Variants in DRD2 observed in about 807,000 individuals in gnomAD.
DRD2 encodes D(2) dopamine receptor.
DRD2 carries 8 observed loss-of-function variants against 38.0 expected under a neutral mutation model. The observed-to-expected ratio is 0.21, with a 90% CI of 0.12 to 0.38. DRD2 has a LOEUF of 0.38. DRD2 is among the 10% of genes least tolerant of loss of function. The pLI is 1.00. For synonymous variants in DRD2, 230 were observed against 238.6 expected, an observed-to-expected ratio of 0.96 and a Z score of 0.33; for missense variants, 403 against 607.7, an observed-to-expected ratio of 0.66 and a Z score of 3.54.
chr11:113,470,455 G>T (rs1030463817), intron 1 of DRD2, among the ~76,000 whole-genome samples: 2 of 152,174 alleles, frequency 1.3e-5, no homozygotes, highest in African/African-American at 4.8e-5. Context: ...AGCCAGGTCT[G>T]CCTGACTTCC....
intron 1 of DRD2, among the ~76,000 whole-genome samples, chr11:113,471,630 C>A (rs1022620201): frequency 6.6e-6 from 1 of 152,132 alleles, no homozygotes; most frequent in Non-Finnish European, 1.5e-5. Flanking sequence ...AGCAGAGTAC[C>A]TGGTAGGATG....
At chr11:113,414,262 G>A (rs1217980525) in intron 6 of DRD2, 113 bp downstream of exon 6, 1 of 977,652 alleles carries the variant, frequency 1.0e-6, no homozygotes, top group Non-Finnish European at 1.7e-6. Context: ...GCAAGGTGGG[G>A]GTTTCTGGGG....
chr11:113,429,517 T>C (rs919597317), intron 1 of DRD2, among the ~76,000 whole-genome samples: 1 of 152,120 alleles, frequency 6.6e-6, no homozygotes, highest in African/African-American at 2.4e-5. Flanking sequence ...AGTGCTGGGA[T>C]TACAGGCGTG....
chr11:113,428,643 G>A (rs1950960175), intron 1 of DRD2, among the ~76,000 whole-genome samples: 1 of 152,138 alleles, frequency 6.6e-6, no homozygotes, highest in Non-Finnish European at 1.5e-5. Context: ...TTTTTTAATA[G>A]AGACAGAATC....
At chr11:113,435,392 T>C (rs1249593689) in intron 1 of DRD2, among the ~76,000 whole-genome samples, 1 of 152,058 alleles carries the variant, frequency 6.6e-6, no homozygotes, top group Admixed American at 6.5e-5. Flanking sequence ...TGCTGTTCTC[T>C]GCGTGTGCTG....
chr11:113,428,179 T>C (rs1462461166), intron 1 of DRD2, among the ~76,000 whole-genome samples: 2 of 152,114 alleles, frequency 1.3e-5, no homozygotes, highest in Non-Finnish European at 2.9e-5. Context: ...AGAAGTAGAC[T>C]CTGAAGAGGA....
chr11:113,412,933 A>G (rs1354944528), intron 6 of DRD2, 50 bp from the exon 7 acceptor site: 3 of 1,563,372 alleles, frequency 1.9e-6, no homozygotes, highest in South Asian at 2.3e-5. Flanking sequence ...GTTCCCAGGC[A>G]TCAGCCACCC....
intron 2 of DRD2, among the ~76,000 whole-genome samples, chr11:113,419,132 T>A (rs1169925867): frequency 6.6e-6 from 1 of 152,216 alleles, no homozygotes; most frequent in Admixed American, 6.5e-5. Context: ...CTAGTCCTGC[T>A]CTGGCCCAGG....
intron 1 of DRD2, among the ~76,000 whole-genome samples, chr11:113,433,520 A>G (rs771698967): frequency 5.9e-5 from 9 of 152,042 alleles, no homozygotes; most frequent in Non-Finnish European, 1.5e-5. Context: ...GCCACACACT[A>G]ATACCCCATT....
intron 1 of DRD2, among the ~76,000 whole-genome samples, chr11:113,432,353 T>G (rs1426983908): frequency 6.6e-6 from 1 of 151,546 alleles, no homozygotes; most frequent in Non-Finnish European, 1.5e-5. Flanking sequence ...CCACCTCATT[T>G]CTATTTCATC....
chr11:113,432,288 TTCTCTCTCTCTC>T (rs56097058), intron 1 of DRD2, among the ~76,000 whole-genome samples: 30 of 136,362 alleles, frequency 2.2e-4, no homozygotes, highest in Admixed American at 5.1e-4. Context: ...GATCCTCTCT[TTCTCTCTCTCTC>T]TCTCTCTCTC....
intron 1 of DRD2, among the ~76,000 whole-genome samples, chr11:113,466,817 A>G (rs1486217465): frequency 2.6e-5 from 4 of 152,254 alleles, no homozygotes; most frequent in African/African-American, 4.8e-5. Context: ...ATTTTAGAGA[A>G]GCATGAGACA....
At chr11:113,440,552 T>C (rs1951080476) in intron 1 of DRD2, among the ~76,000 whole-genome samples, 1 of 152,250 alleles carries the variant, frequency 6.6e-6, no homozygotes, top group Non-Finnish European at 1.5e-5. Flanking sequence ...TGGGCCATGA[T>C]GGGGATAATG....
At chr11:113,431,350 A>G (rs968133588) in intron 1 of DRD2, among the ~76,000 whole-genome samples, 1 of 152,206 alleles carries the variant, frequency 6.6e-6, no homozygotes, top group Non-Finnish European at 1.5e-5. Flanking sequence ...CACCCTCACC[A>G]TGCAGATGCT....
intron 1 of DRD2, among the ~76,000 whole-genome samples, chr11:113,434,777 T>TCC (rs375918396): frequency 2.0e-5 from 3 of 150,946 alleles, no homozygotes; most frequent in African/African-American, 7.3e-5. Flanking sequence ...AAGGGAGCCA[T>TCC]CCCCCCCCAT....
At position 113,412,595 on chromosome 11, in the gene DRD2, TCTG is replaced by T; in HGVS notation, c.1096_1098del (p.Gln366del). The T allele has an allele frequency of 6.2e-7, 1 of 1,614,138 alleles. No homozygotes were observed. The highest frequency in any genetic ancestry group is 8.5e-7 in the Non-Finnish European group (1 of 1,180,028). On this transcript the variant is annotated inframe_deletion, in exon 7 of 8. Transcript: ENST00000362072. ...AGCATCTGAGTGGCTTTCTTCTCCT[TCTG>T]CTGGGAGAGCTTCCTACGGCTCATG...
intron 1 of DRD2, among the ~76,000 whole-genome samples, chr11:113,451,072 C>G (rs1208366868): frequency 6.6e-6 from 1 of 152,176 alleles, no homozygotes; most frequent in African/African-American, 2.4e-5. Context: ...TCTGTGAACC[C>G]ACCCTGTAGT....
At position 113,424,499 on chromosome 11, in the gene DRD2, G is replaced by T. The variant is rs80030508; in HGVS notation, c.153C>A (p.Gly51=). Residue 51 remains glycine, a synonymous_variant, in exon 2 of 8, where the codon GGC becomes GGA. Transcript: ENST00000362072. Reference sequence around the variant, plus strand: ...ACACAGCCATGCACACCAGCACGTTGCCGAAGACGATGACAGCGATGAGCA... The same window carrying T: ...ACACAGCCATGCACACCAGCACGTTTCCGAAGACGATGACAGCGATGAGCA... The part of the protein sequence containing the change: ...LTLLIAVIVF[G]NVLVCMAVSR... The T allele has an allele frequency of 8.4e-4, 1,352 of 1,614,236 alleles. 1 individual carries two copies. Among genetic ancestry groups the T allele is most frequent in the Non-Finnish European group, 9.3e-4 (1,099 of 1,180,050 alleles).
chr11:113,434,397 C>G (rs1028024886), intron 1 of DRD2, among the ~76,000 whole-genome samples: 1 of 152,178 alleles, frequency 6.6e-6, no homozygotes, highest in Non-Finnish European at 1.5e-5. Flanking sequence ...ACCCTGCAGT[C>G]ATTTCTCCTC....
Sources: gnomAD v4.1 joint callset for allele counts (sites outside exome capture counted in the v4.1 genomes callset) on GRCh38, gnomAD v4.1.1 for gene constraint, MANE v1.5 for transcripts, NCBI Gene and HGNC (gene_info 2026-07-23, HGNC 2026-07-21) for gene names.